Variants in PRUNE2 observed in about 807,000 individuals in gnomAD.
PRUNE2 encodes the protein protein prune homolog 2.
In PRUNE2, 164 loss-of-function variants were observed where a neutral mutation model predicts 252.0. The observed-to-expected ratio is 0.65, with a 90% confidence interval of 0.57 to 0.74. PRUNE2 has a LOEUF of 0.74. PRUNE2 is among the 30% of genes least tolerant of loss of function. PRUNE2 has a pLI of 0.00. For missense variants in PRUNE2, 3,495 were observed against 3,711.0 expected, an observed-to-expected ratio of 0.94 and a Z score of 1.51; for synonymous variants, 1,292 against 1,350.2, an observed-to-expected ratio of 0.96 and a Z score of 0.94.
intron 9 of PRUNE2, among the ~76,000 whole-genome samples, chr9:76,669,190 A>G (rs964194971): frequency 6.6e-6 from 1 of 152,066 alleles, no homozygotes; most frequent in Non-Finnish European, 1.5e-5. Context: ...ACTACTGTCC[A>G]TGGGGTCACT....
In PRUNE2 at chr9:76,614,456, G is replaced by T; in HGVS notation, c.*114C>A. The stretch of plus-strand genomic sequence containing the variant: ...ATTTTTCCCCTTAGAAATTTAGAAT[G>T]GCACCAGGTAGTGCAAAGTGGAAAA... On this transcript the variant is annotated 3_prime_UTR_variant, in exon 19 of 19. Coordinates refer to ENST00000376718, the MANE Select transcript of PRUNE2 (RefSeq NM_015225.3). 1 of 800,900 alleles carries T rather than the reference G, an allele frequency of 1.2e-6. No homozygotes were observed. 49.6% of individuals were successfully genotyped at this position (800,900 alleles called of 1,614,324 possible). A position where few individuals can be genotyped will look rare whatever the true frequency, so the allele number is the denominator to read the frequency against.
rs1198199474 is a variant in PRUNE2, at chr9:76,705,496, G to A, written c.6778C>T (p.Gln2260Ter). ...TCAAACAAAGCTCTTGCACCAGGCT[G>A]ACTTTCAGGAGAAAAGCTGTCTGAT... The part of the protein sequence containing the change: ...WISDSFSPES[Q>*]PGARALFDGD... Residue 2260 changes from glutamine (Q) to a stop codon, truncating the protein, a stop_gained, in exon 8 of 19, where the codon CAG (glutamine) becomes TAG (stop). Coordinates refer to ENST00000376718, the MANE Select transcript of PRUNE2 (RefSeq NM_015225.3). LOFTEE classifies it high-confidence loss of function. 3.1e-6 allele frequency: 5 copies of A among 1,613,902 alleles called. No individual in the cohort carries two copies. The African/African-American group carries it at 6.7e-5, about 22-fold the overall frequency.
At chr9:76,794,390 G>A (rs1311466419) in intron 6 of PRUNE2, among the ~76,000 whole-genome samples, 1 of 152,132 alleles carries the variant, frequency 6.6e-6, no homozygotes, top group Non-Finnish European at 1.5e-5. Context: ...TCTGAGGCAG[G>A]GGGATCACGA....
Position 76,876,018 on chromosome 9 carries a change from C to A in PRUNE2, c.37-21810G>T, listed in dbSNP as rs533545986. ...ACAAGCTCCCCAGGTGAATGCAATA[C>A]GCACAAACATTTAAGAATCATGGCT... is the stretch of plus-strand genomic sequence containing the variant. On this transcript the variant is annotated intron_variant, in intron 1 of 18. Transcript: ENST00000376718. 2.0e-5 allele frequency among the ~76,000 whole-genome samples: 3 copies of A among 152,258 alleles called. No individual in the cohort carries two copies. The South Asian group carries it at 6.2e-4, about 32-fold the overall frequency.
rs1009546685 is a variant in PRUNE2 at position 76,864,008 on chromosome 9, G to A, written c.37-9800C>T. ...CATGCACTTATATGTTAATCACAGC[G>A]CTATTCCCAACAGCAAAGGCATGGA... On this transcript the variant is annotated intron_variant, in intron 1 of 18. Transcript: ENST00000376718. Among the ~76,000 whole-genome samples, 5 of 151,874 alleles carry A rather than the reference G, an allele frequency of 3.3e-5. No individual in the cohort carries two copies. The East Asian group carries it at 5.8e-4, about 18-fold the overall frequency.
chr9:76,845,616 G>C (rs1365792246), intron 4 of PRUNE2, among the ~76,000 whole-genome samples: 1 of 152,214 alleles, frequency 6.6e-6, no homozygotes, highest in African/African-American at 2.4e-5. Flanking sequence ...CTGTGGAAGA[G>C]ACAGAGGAAT....
At chr9:76,805,233 C>A (rs2056851783) in intron 6 of PRUNE2, among the ~76,000 whole-genome samples, 1 of 152,224 alleles carries the variant, frequency 6.6e-6, no homozygotes, top group African/African-American at 2.4e-5. Flanking sequence ...GGCCACCCTG[C>A]ATCAGCCAGT....
At chr9:76,902,931 G>C (rs968228020) in intron 1 of PRUNE2, among the ~76,000 whole-genome samples, 4 of 152,228 alleles carry the variant, frequency 2.6e-5, no homozygotes, top group Non-Finnish European at 5.9e-5. Flanking sequence ...TTATGTCAGT[G>C]AATCTGCCTC....
At chr9:76,627,307 T>C (rs1835337592) in intron 16 of PRUNE2, among the ~76,000 whole-genome samples, 1 of 137,848 alleles carries the variant, frequency 7.3e-6, no homozygotes, top group Non-Finnish European at 1.6e-5. Context: ...GGCGGGGGGC[T>C]CACCATGTTG....
intron 11 of PRUNE2, among the ~76,000 whole-genome samples, chr9:76,646,843 C>T (rs1219264387): frequency 6.6e-6 from 1 of 152,052 alleles, no homozygotes; most frequent in African/African-American, 2.4e-5. Context: ...GTGGGGTGAA[C>T]GTAGGGTTGT....
At chr9:76,898,689 A>C (rs561981212) in intron 1 of PRUNE2, among the ~76,000 whole-genome samples, 3 of 152,080 alleles carry the variant, frequency 2.0e-5, no homozygotes, top group Admixed American at 6.6e-5. Context: ...AAAACAAAAC[A>C]AAAAAAACCT....
intron 9 of PRUNE2, among the ~76,000 whole-genome samples, chr9:76,686,855 C>G (rs2044150823): frequency 6.6e-6 from 1 of 152,146 alleles, no homozygotes; most frequent in Non-Finnish European, 1.5e-5. Context: ...ATCTTCGCCT[C>G]CTGAGTAAGT....
chr9:76,625,270 T>C (rs537821138), intron 16 of PRUNE2, among the ~76,000 whole-genome samples: 1 of 152,362 alleles, frequency 6.6e-6, no homozygotes, highest in Non-Finnish European at 1.5e-5. Flanking sequence ...GTATCTTTTC[T>C]ACGTGTACAT....
At chr9:76,872,918 T>C (rs1201718370) in intron 1 of PRUNE2, among the ~76,000 whole-genome samples, 1 of 152,124 alleles carries the variant, frequency 6.6e-6, no homozygotes, top group Non-Finnish European at 1.5e-5. Flanking sequence ...GCAGATGTAA[T>C]TAGTTAAGCT....
chr9:76,640,198 G>A (rs1361051787), intron 12 of PRUNE2, among the ~76,000 whole-genome samples: 3 of 152,180 alleles, frequency 2.0e-5, no homozygotes, highest in Admixed American at 6.5e-5. Context: ...CAACGTGTTA[G>A]TTTTTTCAGA....
chr9:76,808,060 C>A, intron 6 of PRUNE2, among the ~76,000 whole-genome samples: 1 of 152,144 alleles, frequency 6.6e-6, no homozygotes, highest in Non-Finnish European at 1.5e-5. Context: ...TGCCTGTAAT[C>A]CCAGCTACTC....
intron 6 of PRUNE2, among the ~76,000 whole-genome samples, chr9:76,812,157 T>C (rs913896222): frequency 6.6e-6 from 1 of 152,126 alleles, no homozygotes; most frequent in Non-Finnish European, 1.5e-5. Flanking sequence ...AAGCTCTGTG[T>C]CTCTAGCCGA....
intron 1 of PRUNE2, among the ~76,000 whole-genome samples, chr9:76,881,635 T>C (rs1376444470): frequency 5.3e-4 from 79 of 150,138 alleles, no homozygotes; most frequent in South Asian, 2.1e-3. Flanking sequence ...TTTTTTTTTT[T>C]CCCCAAGATG....
intron 1 of PRUNE2, among the ~76,000 whole-genome samples, chr9:76,868,317 C>T (rs1015049653): frequency 3.3e-5 from 5 of 152,202 alleles, no homozygotes; most frequent in Non-Finnish European, 5.9e-5. Flanking sequence ...CTTCCAAACA[C>T]GTTTCCAAGC....
Sources: allele counts gnomAD v4.1 joint callset (sites outside exome capture counted in the v4.1 genomes callset), GRCh38; gene constraint gnomAD v4.1.1; transcripts MANE v1.5; gene names NCBI Gene and HGNC (gene_info 2026-07-23, HGNC 2026-07-21).